The following PHACTR1 variants were observed in gnomAD, a reference collection of about 807,000 sequenced individuals.
The protein encoded by PHACTR1 is phosphatase and actin regulator 1.
Under a neutral mutation model 69.2 loss-of-function variants are expected in PHACTR1, and 16 were observed. The ratio of observed to expected loss-of-function variants is 0.23; its 90% CI spans 0.16 to 0.35. PHACTR1 has a LOEUF of 0.35. Among genes scored for constraint, PHACTR1 ranks in the 10% least tolerant of loss-of-function variants. The pLI, the probability that PHACTR1 is intolerant of heterozygous loss-of-function variation, is 1.00. For missense variants in PHACTR1, 510 were observed against 734.7 expected (o/e 0.69, Z 3.54); for synonymous variants, 312 against 284.5 (o/e 1.10, Z -0.97).
intron 5 of PHACTR1, among the ~76,000 whole-genome samples, chr6:13,111,766 A>G (rs543110088): frequency 4.6e-4 from 70 of 152,078 alleles, no homozygotes; most frequent in Non-Finnish European, 8.8e-4. Context: ...TTACAGTTCT[A>G]TTCTTGCATG....
At chr6:12,823,150 C>T (rs1015337360) in intron 4 of PHACTR1, among the ~76,000 whole-genome samples, 5 of 152,192 alleles carry the variant, frequency 3.3e-5, no homozygotes, top group African/African-American at 1.2e-4. Context: ...CCCGTGTAAA[C>T]AGGGGCAAGT....
chr6:12,980,482 T>C (rs1453523100), intron 4 of PHACTR1, among the ~76,000 whole-genome samples: 1 of 152,092 alleles, frequency 6.6e-6, no homozygotes, highest in Non-Finnish European at 1.5e-5. Flanking sequence ...AAGTATGTTT[T>C]GTCAAATAGC....
At position 12,811,139 on chromosome 6, in the gene PHACTR1, C is replaced by T. The variant is rs114388976; in HGVS notation, c.250+61349C>T. Among the ~76,000 whole-genome samples the T allele has an allele frequency of 6.1e-3, 933 of 152,242 alleles. 9 individuals are homozygous for T. The highest frequency in any genetic ancestry group is 9.0e-3 in the Non-Finnish European group (612 of 68,022). On this transcript the variant is annotated intron_variant, in intron 4 of 14. Coordinates refer to ENST00000332995, the MANE Select transcript of PHACTR1 (RefSeq NM_030948.6). ...GGATTTAGCATGATAGAGGAAGATG[C>T]TCCGTTGGCTTGTTTTATTATCAGT...
intron 5 of PHACTR1, among the ~76,000 whole-genome samples, chr6:13,091,784 A>G (rs551757823): frequency 6.6e-6 from 1 of 152,046 alleles, no homozygotes; most frequent in Non-Finnish European, 1.5e-5. Flanking sequence ...TTGCATGCGC[A>G]GTTCACAATA....
chr6:13,103,293 A>C (rs557824467), intron 5 of PHACTR1, among the ~76,000 whole-genome samples: 1 of 152,322 alleles, frequency 6.6e-6, no homozygotes, highest in African/African-American at 2.4e-5. Context: ...TAAGCATGAG[A>C]TCTCTAATAG....
chr6:13,262,444 A>G (rs144677069), intron 10 of PHACTR1, among the ~76,000 whole-genome samples: 180 of 152,290 alleles, frequency 1.2e-3, no homozygotes, highest in African/African-American at 4.1e-3. Flanking sequence ...AATCATCAGC[A>G]TATTGATGCT....
chr6:13,030,006 A>C (rs1802230117), intron 4 of PHACTR1, among the ~76,000 whole-genome samples: 1 of 152,260 alleles, frequency 6.6e-6, no homozygotes, highest in African/African-American at 2.4e-5. Context: ...GGTGAATCTG[A>C]TAGCATCCAC....
chr6:12,906,547 C>A (rs1224947688), intron 4 of PHACTR1, among the ~76,000 whole-genome samples: 1 of 152,156 alleles, frequency 6.6e-6, no homozygotes, highest in African/African-American at 2.4e-5. Flanking sequence ...CCTTTAAAAT[C>A]CAAAATTAAC....
At chr6:13,008,084 G>C (rs1169669990) in intron 4 of PHACTR1, among the ~76,000 whole-genome samples, 2 of 152,196 alleles carry the variant, frequency 1.3e-5, no homozygotes, top group Non-Finnish European at 2.9e-5. Flanking sequence ...TTATGCAATT[G>C]TTTCTGTAAA....
intron 4 of PHACTR1, among the ~76,000 whole-genome samples, chr6:12,862,012 G>A (rs16873462): frequency 0.072 from 10,950 of 152,114 alleles, 438 homozygotes; most frequent in Middle Eastern, 0.11. Context: ...AAGTTACTAT[G>A]CCAATAATTT....
chr6:13,003,984 T>C (rs1798471828), intron 4 of PHACTR1, among the ~76,000 whole-genome samples: 2 of 138,794 alleles, frequency 1.4e-5, no homozygotes, highest in Non-Finnish European at 3.1e-5. Flanking sequence ...TATATACACA[T>C]ATATATATAT....
intron 8 of PHACTR1, chr6:13,214,354 G>A (rs1378790572): frequency 6.6e-6 from 1 of 152,126 alleles, no homozygotes. Context: ...ATTAAATCTA[G>A]ATCTTTACTT....
At chr6:13,239,609 C>T (rs1376370668) in intron 10 of PHACTR1, among the ~76,000 whole-genome samples, 1 of 152,164 alleles carries the variant, frequency 6.6e-6, no homozygotes, top group African/African-American at 2.4e-5. Flanking sequence ...ACTTCAAAAC[C>T]ACACATGTAG....
In PHACTR1 at chr6:12,968,163, T is replaced by C. The variant is rs183254458; in HGVS notation, c.251-85202T>C. On this transcript the variant is annotated intron_variant, in intron 4 of 14. Coordinates refer to ENST00000332995, the MANE Select transcript of PHACTR1 (RefSeq NM_030948.6). ...GATTTCCACTCAAACTCATTGCCCTTCATGGAATCGCATGCCCGCTTCCCC... is the reference window on the plus strand; with the variant it reads ...GATTTCCACTCAAACTCATTGCCCTCCATGGAATCGCATGCCCGCTTCCCC... 3.4e-3 allele frequency among the ~76,000 whole-genome samples: 513 copies of C among 152,280 alleles called. 2 individuals carry two copies. The highest frequency in any genetic ancestry group is 0.012 in the African/African-American group (488 of 41,554).
At chr6:12,894,025 G>A (rs575656213) in intron 4 of PHACTR1, among the ~76,000 whole-genome samples, 1 of 152,326 alleles carries the variant, frequency 6.6e-6, no homozygotes, top group African/African-American at 2.4e-5. Flanking sequence ...CCCACTGGCT[G>A]ACTGTGGGAT....
At chr6:12,956,222 A>T (rs1023592715) in intron 4 of PHACTR1, among the ~76,000 whole-genome samples, 1 of 152,196 alleles carries the variant, frequency 6.6e-6, no homozygotes, top group Non-Finnish European at 1.5e-5. Flanking sequence ...CTGGGAGAAG[A>T]TTGGGAGCCG....
chr6:13,005,634 A>G (rs1047605949), intron 4 of PHACTR1, among the ~76,000 whole-genome samples: 2 of 152,158 alleles, frequency 1.3e-5, no homozygotes, highest in African/African-American at 4.8e-5. Context: ...GGATCACAGG[A>G]CCCTGGAGTG....
intron 5 of PHACTR1, among the ~76,000 whole-genome samples, chr6:13,094,820 T>C (rs1453361516): frequency 6.6e-6 from 1 of 152,196 alleles, no homozygotes; most frequent in Non-Finnish European, 1.5e-5. Flanking sequence ...GAAAAAAATA[T>C]GCAACATTAT....
At chr6:12,976,854 A>T (rs930599814) in intron 4 of PHACTR1, among the ~76,000 whole-genome samples, 10 of 151,222 alleles carry the variant, frequency 6.6e-5, no homozygotes, top group Non-Finnish European at 1.2e-4. Flanking sequence ...GCTCTACTTT[A>T]TTATAAGTAA....
Sources: allele counts gnomAD v4.1 joint callset (sites outside exome capture counted in the v4.1 genomes callset), GRCh38; gene constraint gnomAD v4.1.1; transcripts MANE v1.5; gene names NCBI Gene and HGNC (gene_info 2026-07-23, HGNC 2026-07-21).